The following UGT1A9 variants were observed in gnomAD, a reference collection of about 807,000 sequenced individuals.
UGT1A9 encodes the protein UDP glucuronosyltransferase family 1 member A9, also known as UDP-glucuronosyltransferase 1A9.
Under a neutral mutation model 45.0 loss-of-function variants are expected in UGT1A9, and 35 were observed. That is an observed-to-expected ratio of 0.78 (90% confidence interval 0.59 to 1.03). The LOEUF (loss-of-function observed/expected upper bound fraction) is 1.03, where lower values mean the gene tolerates loss of function less well. Ranked by LOEUF, UGT1A9 falls within the 50% of genes least tolerant of loss-of-function variation. UGT1A9 has a pLI of 0.00. For missense variants in UGT1A9, 687 were observed against 666.6 expected, an observed-to-expected ratio of 1.03 and a Z score of -0.34; for synonymous variants, 278 against 250.6, an observed-to-expected ratio of 1.11 and a Z score of -1.03.
chr2:233,769,914 G>A lies in UGT1A9; in HGVS notation c.1295+1475G>A, dbSNP rs530436161. ...AACCTGAGCATCATGTGCCCAGAGCGTTGGGTGGTGTGGTCCCATTCCTTC... is the reference window on the plus strand; with the variant it reads ...AACCTGAGCATCATGTGCCCAGAGCATTGGGTGGTGTGGTCCCATTCCTTC... On this transcript the variant is annotated intron_variant, in intron 4 of 4. Coordinates refer to ENST00000354728, the MANE Select transcript of UGT1A9 (RefSeq NM_021027.3). The surrounding 1 kb of genome is among the most constrained non-coding windows in gnomAD (Gnocchi z 4.4). The A allele has an allele frequency of 6.5e-5, 19 of 292,140 alleles. No homozygotes were observed. The highest frequency in any genetic ancestry group is 1.0e-3 in the Middle Eastern group (1 of 988). 18.1% of individuals were successfully genotyped at this position (292,140 alleles called of 1,614,324 possible).
chr2:233,673,858 A>T (rs2602378), intron 1 of UGT1A9, among the ~76,000 whole-genome samples: 93,576 of 151,908 alleles, frequency 0.62, 29,072 homozygotes, highest in South Asian at 0.65. Context: ...TACAATGTCA[A>T]CTGCAAAGAA....
chr2:233,694,413 T>A (rs1229382859), intron 1 of UGT1A9, among the ~76,000 whole-genome samples: 1 of 152,034 alleles, frequency 6.6e-6, no homozygotes, highest in Non-Finnish European at 1.5e-5. Flanking sequence ...GCCACAGAAG[T>A]ATTTGGTCTG....
At chr2:233,728,549 A>T (rs966013125) in intron 1 of UGT1A9, among the ~76,000 whole-genome samples, 3 of 152,184 alleles carry the variant, frequency 2.0e-5, no homozygotes, top group Non-Finnish European at 4.4e-5. Context: ...GTCCTCTCTG[A>T]TCCTTACAAG....
At chr2:233,709,289 A>G (rs2076069950) in intron 1 of UGT1A9, among the ~76,000 whole-genome samples, 1 of 152,138 alleles carries the variant, frequency 6.6e-6, no homozygotes, top group African/African-American at 2.4e-5. Context: ...CCCTTCAATT[A>G]ATGATATTTT....
intron 1 of UGT1A9, chr2:233,747,465 A>G: frequency 6.2e-7 from 1 of 1,608,768 alleles, no homozygotes; most frequent in African/African-American, 1.3e-5. Context: ...CATTTCATGG[A>G]CCCAGGATGA....
At chr2:233,680,556 A>G (rs1014960787) in intron 1 of UGT1A9, among the ~76,000 whole-genome samples, 2 of 152,154 alleles carry the variant, frequency 1.3e-5, no homozygotes, top group African/African-American at 4.8e-5. Context: ...AATGCTCCTC[A>G]GTGTGTTGCC....
At chr2:233,735,488 T>C (rs1165192610) in intron 1 of UGT1A9, among the ~76,000 whole-genome samples, 1 of 152,208 alleles carries the variant, frequency 6.6e-6, no homozygotes, top group African/African-American at 2.4e-5. Flanking sequence ...TGTTTTTTAA[T>C]TGCAGCATTT....
intron 1 of UGT1A9, among the ~76,000 whole-genome samples, chr2:233,695,736 T>G (rs2075304736): frequency 1.3e-5 from 2 of 152,212 alleles, no homozygotes; most frequent in African/African-American, 4.8e-5. Flanking sequence ...TTTATGTTGC[T>G]GCACATGACA....
At chr2:233,750,620 T>A (rs1476116797) in intron 1 of UGT1A9, 1 of 151,688 alleles carries the variant, frequency 6.6e-6, no homozygotes, top group Non-Finnish European at 1.5e-5. Flanking sequence ...GTGGGCTGGG[T>A]CCATGCTCCC....
At chr2:233,730,488 G>C (rs181516968) in intron 1 of UGT1A9, among the ~76,000 whole-genome samples, 1 of 152,300 alleles carries the variant, frequency 6.6e-6, no homozygotes, top group East Asian at 1.9e-4. Flanking sequence ...ACATGAAATA[G>C]AAGTGTCAGA....
At chr2:233,733,842 C>T (rs543682196) in intron 1 of UGT1A9, among the ~76,000 whole-genome samples, 2 of 152,138 alleles carry the variant, frequency 1.3e-5, no homozygotes, top group South Asian at 4.2e-4. Context: ...GGAGGATTCC[C>T]TCTTTTTCTA....
intron 1 of UGT1A9, among the ~76,000 whole-genome samples, chr2:233,694,048 C>A (rs1474075608): frequency 6.6e-6 from 1 of 152,122 alleles, no homozygotes; most frequent in Admixed American, 6.5e-5. Flanking sequence ...GATACAGAGG[C>A]ATTCGGATGA....
At chr2:233,682,656 C>T (rs371311391) in intron 1 of UGT1A9, 32 of 1,613,804 alleles carry the variant, frequency 2.0e-5, no homozygotes, top group Non-Finnish European at 2.4e-5. Context: ...ACCCCTGTCA[C>T]GGCATATGAT....
At chr2:233,713,959 G>T in intron 1 of UGT1A9, 2 of 1,607,338 alleles carry the variant, frequency 1.2e-6, no homozygotes, top group South Asian at 2.2e-5. Flanking sequence ...TCTTTCCAAA[G>T]ATTTCATTTC....
chr2:233,704,415 CA>C lies in UGT1A9; in HGVS notation c.855+31628del, dbSNP rs1201180992. On this transcript the variant is annotated intron_variant, in intron 1 of 4. Transcript: ENST00000354728. Reference sequence around the variant, plus strand: ...ACCAGTATCTACTTCAGATTTATACCAACTTAATTCCAGTTAAATATTGAAA... The same window carrying C: ...ACCAGTATCTACTTCAGATTTATACCACTTAATTCCAGTTAAATATTGAAA... Among the ~76,000 whole-genome samples the C allele has an allele frequency of 2.0e-5, 3 of 152,056 alleles. No homozygotes were observed. The East Asian group carries it at 5.8e-4, about 29-fold the overall frequency.
At chr2:233,724,287 G>A (rs1285366990) in intron 1 of UGT1A9, among the ~76,000 whole-genome samples, 2 of 143,496 alleles carry the variant, frequency 1.4e-5, no homozygotes, top group Admixed American at 1.4e-4. Flanking sequence ...CGGGCGGGGG[G>A]CTGACCCCCC....
At chr2:233,744,074 G>C in intron 1 of UGT1A9, 1 of 470,704 alleles carries the variant, frequency 2.1e-6, no homozygotes, top group Non-Finnish European at 3.5e-6. Context: ...TGAGCGCCTC[G>C]CATCCCAAGA....
At chr2:233,729,319 G>A in intron 1 of UGT1A9, 1 of 1,614,228 alleles carries the variant, frequency 6.2e-7, no homozygotes. Context: ...CACCCCAGAG[G>A]TGAATATGCA....
intron 1 of UGT1A9, among the ~76,000 whole-genome samples, chr2:233,679,256 G>A (rs1260672026): frequency 6.6e-6 from 1 of 152,236 alleles, no homozygotes; most frequent in Admixed American, 6.5e-5. Flanking sequence ...TTAAAAGACA[G>A]TCCCTTGCTG....
Sources: allele counts gnomAD v4.1 joint callset (sites outside exome capture counted in the v4.1 genomes callset), GRCh38; gene constraint gnomAD v4.1.1; non-coding constraint Gnocchi (gnomAD v3.1); transcripts MANE v1.5; gene names NCBI Gene and HGNC (gene_info 2026-07-23, HGNC 2026-07-21).